CSMD1: variants seen among roughly 807,000 people sequenced by gnomAD.
The protein encoded by CSMD1 is CUB and sushi domain-containing protein 1.
A neutral mutation model predicts 417.5 loss-of-function variants in CSMD1; 213 were observed. The ratio of observed to expected loss-of-function variants is 0.51; its 90% CI spans 0.46 to 0.57. The LOEUF is 0.57. CSMD1 is among the 20% of genes least tolerant of loss of function. The probability of loss-of-function intolerance (pLI) is 0.00; values close to 1 mark genes in which losing one functional copy is unlikely to be tolerated. For synonymous variants in CSMD1, 2,862 were observed against 1,736.8 expected (o/e 1.65, Z -16.11); for missense variants, 6,923 against 4,529.7 (o/e 1.53, Z -15.17).
chr8:3,938,946 C>G (rs746045813), intron 5 of CSMD1, among the ~76,000 whole-genome samples: 15 of 152,114 alleles, frequency 9.9e-5, no homozygotes, highest in South Asian at 2.1e-4. Context: ...TTTATTAGTT[C>G]TTAAAAATAA....
intron 1 of CSMD1, among the ~76,000 whole-genome samples, chr8:4,933,230 C>G (rs1807370240): frequency 6.6e-6 from 1 of 152,020 alleles, no homozygotes; most frequent in African/African-American, 2.4e-5. Flanking sequence ...TGTTTTCCCA[C>G]TAAGTATGAT....
chr8:4,110,064 A>T (rs1297512313), intron 3 of CSMD1, among the ~76,000 whole-genome samples: 1 of 152,188 alleles, frequency 6.6e-6, no homozygotes, highest in Admixed American at 6.5e-5. Flanking sequence ...GAAGTCACCC[A>T]ATGATCACGT....
intron 10 of CSMD1, among the ~76,000 whole-genome samples, chr8:3,506,552 T>C (rs1369441469): frequency 1.3e-5 from 2 of 152,178 alleles, no homozygotes; most frequent in Admixed American, 6.5e-5. Context: ...GTTTCATTCA[T>C]TCCCTCATCT....
intron 5 of CSMD1, among the ~76,000 whole-genome samples, chr8:3,808,560 T>C (rs570069506): frequency 6.6e-6 from 1 of 152,314 alleles, no homozygotes; most frequent in African/African-American, 2.4e-5. Flanking sequence ...CTCTTTATGA[T>C]ATGGGGAGAA....
intron 2 of CSMD1, among the ~76,000 whole-genome samples, chr8:4,488,189 G>C (rs746440748): frequency 6.6e-6 from 1 of 152,158 alleles, no homozygotes; most frequent in Non-Finnish European, 1.5e-5. Context: ...TGAGAAATAA[G>C]TTTATGTTGT....
chr8:4,284,772 G>C (rs571338283), intron 3 of CSMD1, among the ~76,000 whole-genome samples: 1 of 152,022 alleles, frequency 6.6e-6, no homozygotes, highest in Non-Finnish European at 1.5e-5. Context: ...CCACTTGCCT[G>C]GCTCTTTCCA....
At chr8:3,491,147 G>A (rs140602521) in intron 11 of CSMD1, among the ~76,000 whole-genome samples, 26 of 152,232 alleles carry the variant, frequency 1.7e-4, no homozygotes, top group South Asian at 1.7e-3. Flanking sequence ...CGGTGAGAGC[G>A]TGAGTGTCAG....
chr8:3,909,428 T>A (rs1038394073), intron 5 of CSMD1, among the ~76,000 whole-genome samples: 73 of 152,092 alleles, frequency 4.8e-4, no homozygotes, highest in African/African-American at 1.5e-3. Context: ...GAGGGCAGGA[T>A]ACGCAGAAAA....
chr8:2,990,406 G>C (rs1277005769), intron 54 of CSMD1, among the ~76,000 whole-genome samples: 1 of 152,188 alleles, frequency 6.6e-6, no homozygotes, highest in Admixed American at 6.5e-5. Context: ...AGTGGGACAA[G>C]ATTTCATTCA....
intron 5 of CSMD1, among the ~76,000 whole-genome samples, chr8:3,924,825 T>C (rs1029883391): frequency 3.9e-5 from 6 of 152,222 alleles, no homozygotes; most frequent in African/African-American, 1.2e-4. Context: ...GTTAAGATGA[T>C]AATTTTAATT....
chr8:4,957,591 A>G (rs1809202467), intron 1 of CSMD1, among the ~76,000 whole-genome samples: 1 of 152,210 alleles, frequency 6.6e-6, no homozygotes, highest in African/African-American at 2.4e-5. Flanking sequence ...TAATCTTGTG[A>G]AAGATCCTCA....
At chr8:4,146,593 CATTTTTTTTTTTTT>C (rs1456007176) in intron 3 of CSMD1, among the ~76,000 whole-genome samples, 18 of 90,758 alleles carry the variant, frequency 2.0e-4, no homozygotes, top group Non-Finnish European at 2.7e-4. Flanking sequence ...TATATGGACA[CATTTTTTTTTTTTT>C]TTTTTTTTTT....
intron 3 of CSMD1, among the ~76,000 whole-genome samples, chr8:4,062,804 T>C (rs552885417): frequency 6.6e-6 from 1 of 151,856 alleles, no homozygotes; most frequent in South Asian, 2.1e-4. Context: ...TCTGTCAGCA[T>C]CACGGATGTC....
At chr8:4,815,650 T>A (rs577109871) in intron 1 of CSMD1, among the ~76,000 whole-genome samples, 13 of 133,352 alleles carry the variant, frequency 9.7e-5, no homozygotes, top group South Asian at 4.6e-4. Context: ...GAACTGAGGC[T>A]GCACCATTGC....
intron 3 of CSMD1, among the ~76,000 whole-genome samples, chr8:4,358,395 G>A (rs4875095): frequency 0.79 from 119,731 of 152,084 alleles, 47,503 homozygotes; most frequent in African/African-American, 0.89. Flanking sequence ...GAAGGGGACT[G>A]TTTCGTGACA....
chr8:4,842,185 A>C (rs1046769112), intron 1 of CSMD1, among the ~76,000 whole-genome samples: 2 of 152,230 alleles, frequency 1.3e-5, no homozygotes, highest in Non-Finnish European at 2.9e-5. Context: ...ACACATGAAA[A>C]GAATTGTAGC....
intron 5 of CSMD1, among the ~76,000 whole-genome samples, chr8:3,870,612 T>C (rs569708338): frequency 2.0e-5 from 3 of 152,308 alleles, no homozygotes; most frequent in South Asian, 2.1e-4. Context: ...TCTTCCAATA[T>C]GTTTATGAAT....
chr8:3,812,198 A>T (rs1363103486), intron 5 of CSMD1, among the ~76,000 whole-genome samples: 3 of 152,220 alleles, frequency 2.0e-5, no homozygotes, highest in Non-Finnish European at 4.4e-5. Context: ...GAGACCACAT[A>T]CAAACAATAT....
chr8:3,050,528 A>C (rs1811752203), intron 50 of CSMD1, among the ~76,000 whole-genome samples: 1 of 152,208 alleles, frequency 6.6e-6, no homozygotes. Context: ...GCCATCTGTT[A>C]AGTTCCTATT....
Sources: gnomAD v4.1 joint callset for allele counts (sites outside exome capture counted in the v4.1 genomes callset) on GRCh38, gnomAD v4.1.1 for gene constraint, MANE v1.5 for transcripts, NCBI Gene and HGNC (gene_info 2026-07-23, HGNC 2026-07-21) for gene names.